Variants in ALMS1 observed in about 807,000 individuals in gnomAD.
The protein encoded by ALMS1 is ALMS1 centrosome and basal body associated protein.
Under a neutral mutation model 352.2 loss-of-function variants are expected in ALMS1, and 271 were observed. The ratio of observed to expected loss-of-function variants is 0.77; its 90% CI spans 0.70 to 0.85. The LOEUF is 0.85. ALMS1 is among the 40% of genes least tolerant of loss of function. The pLI is 0.00. For synonymous variants in ALMS1, 1,865 were observed against 1,761.2 expected, an observed-to-expected ratio of 1.06 and a Z score of -1.48; for missense variants, 5,445 against 4,870.7, an observed-to-expected ratio of 1.12 and a Z score of -3.51.
intron 11 of ALMS1, among the ~76,000 whole-genome samples, chr2:73,528,914 G>A (rs550155799): frequency 3.3e-4 from 50 of 151,346 alleles, no homozygotes; most frequent in Non-Finnish European, 6.0e-4. Flanking sequence ...TGTGTCAGGT[G>A]TATTTTTCTA....
At chr2:73,574,410 C>A (rs1573032401) in intron 16 of ALMS1, among the ~76,000 whole-genome samples, 1 of 152,006 alleles carries the variant, frequency 6.6e-6, no homozygotes. Flanking sequence ...TCATTTTCCC[C>A]AACTTTTTAA....
At chr2:73,487,405 G>A (rs369186807) in intron 9 of ALMS1, among the ~76,000 whole-genome samples, 6 of 152,298 alleles carry the variant, frequency 3.9e-5, no homozygotes, top group East Asian at 3.9e-4. Context: ...TGTACTGTGC[G>A]TGGCTTCTGC....
At chr2:73,408,557 T>G (rs576918129) in intron 1 of ALMS1, 65 bp from the exon 2 acceptor site, 87 of 1,546,514 alleles carry the variant, frequency 5.6e-5, no homozygotes, top group Non-Finnish European at 7.2e-5. Context: ...AATATTAGTT[T>G]ATTTTTGTTG....
chr2:73,480,189 T>A (rs1365109587), intron 9 of ALMS1, among the ~76,000 whole-genome samples: 1 of 152,122 alleles, frequency 6.6e-6, no homozygotes, highest in Non-Finnish European at 1.5e-5. Flanking sequence ...ACTTGTCATC[T>A]AGCATTAGGT....
rs946180624 is a variant in ALMS1, at chr2:73,453,577, T to C, written c.7050T>C (p.Asn2350=). 6.2e-7 allele frequency: 1 copy of C among 1,613,574 alleles called. No homozygotes were observed. The highest frequency in any genetic ancestry group is 1.3e-5 in the African/African-American group (1 of 74,838). ...TGAAATGCCGGAGAGGCATTGAAAA[T>C]TGGGAGTTTATTAGTTCAACTACAG... ...TNLKCRRGIE[N]WEFISSTTVR... is the part of the protein sequence containing the mutation. The change falls in exon 8 of 23, where the codon AAT becomes AAC. Residue 2350 remains asparagine (N), a synonymous_variant. Transcript: ENST00000613296.
intron 1 of ALMS1, 86 bp downstream of exon 1, chr2:73,386,278 C>A: frequency 2.8e-6 from 4 of 1,410,144 alleles, no homozygotes; most frequent in Non-Finnish European, 3.7e-6. Context: ...CCGCAGGTCA[C>A]GCCGCCTGAC....
chr2:73,557,882 C>CT (rs1175789409), intron 14 of ALMS1, among the ~76,000 whole-genome samples: 6 of 152,170 alleles, frequency 3.9e-5, no homozygotes, highest in Non-Finnish European at 8.8e-5. Context: ...AACTCTTTCT[C>CT]TTTTTTGTAA....
At chr2:73,558,857 C>CT in intron 14 of ALMS1, 115 bp from the exon 15 acceptor site, 2 of 1,173,282 alleles carry the variant, frequency 1.7e-6, no homozygotes, top group Non-Finnish European at 2.4e-6. Context: ...TCTGAGTCAT[C>CT]TTTTTTCTTC....
chr2:73,386,403 C>G (rs1425257189), intron 1 of ALMS1, among the ~76,000 whole-genome samples: 2 of 152,182 alleles, frequency 1.3e-5, no homozygotes, highest in Non-Finnish European at 2.9e-5. Flanking sequence ...TCCTCCCCCT[C>G]GGTGGGTCCT....
chr2:73,425,087 T>G (rs1324927769), intron 5 of ALMS1, among the ~76,000 whole-genome samples, 185 bp downstream of exon 5: 1 of 152,020 alleles, frequency 6.6e-6, no homozygotes, highest in Non-Finnish European at 1.5e-5. Context: ...AAGTTGCTGC[T>G]CATCATCATC....
chr2:73,456,488 A>T (rs1443168549), intron 9 of ALMS1, among the ~76,000 whole-genome samples: 1 of 152,188 alleles, frequency 6.6e-6, no homozygotes, highest in Non-Finnish European at 1.5e-5. Flanking sequence ...TAATGCCTAT[A>T]AAATGCTTAG....
chr2:73,452,523 C>T lies in ALMS1; in HGVS notation c.5996C>T (p.Ser1999Leu), dbSNP rs1352036989. ...TCACATAAAGAGAAACTCAAGATTT[C>T]AACTGTGCATATACCAGATGACCAG... is the stretch of plus-strand genomic sequence containing the variant. ...SHSHKEKLKISTVHIPDDQKT... is the reference protein window; with the variant it reads ...SHSHKEKLKILTVHIPDDQKT... Residue 1999 changes from serine to leucine, a missense_variant, in exon 8 of 23, where the codon TCA (serine) becomes TTA (leucine). Transcript: ENST00000613296. The T allele has an allele frequency of 6.2e-7, 1 of 1,614,068 alleles. No individual in the cohort carries two copies. Among genetic ancestry groups the T allele is most frequent in the African/African-American group, 1.3e-5 (1 of 75,022 alleles).
intron 7 of ALMS1, among the ~76,000 whole-genome samples, chr2:73,434,014 A>G (rs1263632460): frequency 6.6e-6 from 1 of 152,004 alleles, no homozygotes; most frequent in Non-Finnish European, 1.5e-5. Context: ...CCTTTGGTGA[A>G]TCTAGTTAAA....
At chr2:73,455,833 GT>G (rs1162223757) in intron 9 of ALMS1, among the ~76,000 whole-genome samples, 1 of 151,442 alleles carries the variant, frequency 6.6e-6, no homozygotes, top group African/African-American at 2.4e-5. Context: ...TGATTTGCTT[GT>G]TTTATCAATT....
At chr2:73,443,954 GTCTT>G (rs1165287825) in intron 7 of ALMS1, among the ~76,000 whole-genome samples, 1 of 152,106 alleles carries the variant, frequency 6.6e-6, no homozygotes, top group African/African-American at 2.4e-5. Flanking sequence ...TGGCCTATAT[GTCTT>G]TCTTTATGTT....
rs777886067 is a variant in ALMS1 at position 73,557,313 on chromosome 2, C to T, written c.10172C>T (p.Ala3391Val). Reference sequence around the variant, plus strand: ...AGTACAAGGGCAGTGACTGAGGCTGCCCAGGCTAAAGAAAAAGAATCTTTG... The same window carrying T: ...AGTACAAGGGCAGTGACTGAGGCTGTCCAGGCTAAAGAAAAAGAATCTTTG... Reference protein sequence around the residue: ...IHSTRAVTEAAQAKEKESLQK... With the variant: ...IHSTRAVTEAVQAKEKESLQK... The change falls in exon 14 of 23, where the codon GCC (alanine) becomes GTC (valine). Residue 3391 changes from alanine to valine, a missense_variant. Ala to Val is a moderately conservative substitution (Grantham distance 64). Transcript: ENST00000613296. 2 of 1,614,074 alleles carry T rather than the reference C, an allele frequency of 1.2e-6. No individual in the cohort carries two copies. The highest frequency in any genetic ancestry group is 1.1e-5 in the South Asian group (1 of 91,084).
intron 7 of ALMS1, among the ~76,000 whole-genome samples, chr2:73,433,758 A>C (rs1457525398): frequency 6.6e-6 from 1 of 152,134 alleles, no homozygotes; most frequent in Non-Finnish European, 1.5e-5. Context: ...TCTTTGTAGG[A>C]AGTTTTTAAA....
intron 12 of ALMS1, among the ~76,000 whole-genome samples, chr2:73,545,926 A>G (rs1674306330): frequency 6.6e-6 from 1 of 152,190 alleles, no homozygotes; most frequent in African/African-American, 2.4e-5. Context: ...TAGTGTAGGC[A>G]TCTTATCTTG....
intron 9 of ALMS1, among the ~76,000 whole-genome samples, chr2:73,477,393 G>A (rs1456795076): frequency 6.6e-6 from 1 of 151,880 alleles, no homozygotes; most frequent in Admixed American, 6.6e-5. Context: ...TGTAGCTTTG[G>A]AGTAAGTTTT....
Sources: allele counts gnomAD v4.1 joint callset (sites outside exome capture counted in the v4.1 genomes callset), GRCh38; gene constraint gnomAD v4.1.1; transcripts MANE v1.5; gene names NCBI Gene and HGNC (gene_info 2026-07-23, HGNC 2026-07-21).